POU6F2: variants seen among roughly 807,000 people sequenced by gnomAD.
POU6F2 encodes the protein POU domain, class 6, transcription factor 2.
A neutral mutation model predicts 71.3 loss-of-function variants in POU6F2; 31 were observed. The ratio of observed to expected loss-of-function variants is 0.43; its 90% CI spans 0.33 to 0.59. POU6F2 has a LOEUF of 0.59. Ranked by LOEUF, POU6F2 falls within the 20% of genes least tolerant of loss-of-function variation. The probability of loss-of-function intolerance (pLI) is 0.04; values close to 1 mark genes in which losing one functional copy is unlikely to be tolerated. For missense variants in POU6F2, 783 were observed against 856.8 expected (o/e 0.91, Z 1.07); for synonymous variants, 347 against 355.7 (o/e 0.98, Z 0.27).
intron 2 of POU6F2, among the ~76,000 whole-genome samples, chr7:39,122,551 C>G (rs1792062541): frequency 6.6e-6 from 1 of 152,126 alleles, no homozygotes; most frequent in Non-Finnish European, 1.5e-5. Context: ...AGAGGGGAGG[C>G]AATCTAAGGA....
intron 2 of POU6F2, among the ~76,000 whole-genome samples, chr7:39,131,671 A>G (rs1486523278): frequency 1.3e-5 from 2 of 152,170 alleles, no homozygotes; most frequent in African/African-American, 2.4e-5. Context: ...TTCAAGTGCC[A>G]TAGCCCATGT....
intron 4 of POU6F2, among the ~76,000 whole-genome samples, chr7:39,233,997 C>CT (rs1794626155): frequency 6.6e-6 from 1 of 152,076 alleles, no homozygotes; most frequent in African/African-American, 2.4e-5. Flanking sequence ...TCATGTGGGC[C>CT]TTCTATCCTG....
chr7:39,417,794 A>G (rs1787713839), intron 6 of POU6F2, among the ~76,000 whole-genome samples: 1 of 152,184 alleles, frequency 6.6e-6, no homozygotes, highest in African/African-American at 2.4e-5. Flanking sequence ...AAATCAGACA[A>G]ATCTGAATCC....
intron 4 of POU6F2, among the ~76,000 whole-genome samples, chr7:39,266,039 C>T (rs1348219459): frequency 1.3e-5 from 2 of 152,130 alleles, no homozygotes. Flanking sequence ...GCCTTCTCCT[C>T]GGAAGTGGAG....
chr7:39,433,265 C>T lies in POU6F2; in HGVS notation c.1302C>T (p.Pro434=). The change falls in exon 7 of 10, where the codon CCC becomes CCT. Residue 434 remains proline (P), a synonymous_variant. Transcript: ENST00000518318. The part of the protein sequence containing the change: ...VINTQGITLS[P]IKPGQQLHQP... ...ACACCCAGGGCATCACGCTGTCACC[C>T]ATCAAGCCCGGCCAGCAGGTAAATG... 1 of 1,613,978 alleles carries T rather than the reference C, an allele frequency of 6.2e-7. No individual in the cohort carries two copies. Among genetic ancestry groups the T allele is most frequent in the Non-Finnish European group, 8.5e-7 (1 of 1,179,886 alleles).
At chr7:38,988,562 C>A (rs1193070629) in intron 1 of POU6F2, among the ~76,000 whole-genome samples, 3 of 151,990 alleles carry the variant, frequency 2.0e-5, no homozygotes, top group Non-Finnish European at 2.9e-5. Flanking sequence ...TATTTTTCAT[C>A]CAGAAAAGGG....
chr7:39,085,786 A>G (rs1791227442), intron 1 of POU6F2, 74 bp from the exon 2 acceptor site: 8 of 1,422,082 alleles, frequency 5.6e-6, no homozygotes, highest in East Asian at 2.4e-5. Flanking sequence ...AGAGAGGGAG[A>G]GGGAGAGAGA....
At chr7:39,243,945 C>G (rs1221462690) in intron 4 of POU6F2, among the ~76,000 whole-genome samples, 1 of 151,968 alleles carries the variant, frequency 6.6e-6, no homozygotes, top group Non-Finnish European at 1.5e-5. Flanking sequence ...TCTTCAAGTT[C>G]TTAAAGCTTG....
intron 6 of POU6F2, among the ~76,000 whole-genome samples, chr7:39,432,443 C>T (rs988248784): frequency 2.0e-5 from 3 of 152,140 alleles, no homozygotes; most frequent in African/African-American, 7.2e-5. Context: ...AGCTTAGGTC[C>T]CTTGACAAAT....
intron 5 of POU6F2, among the ~76,000 whole-genome samples, chr7:39,384,740 G>T (rs550469510): frequency 6.6e-6 from 1 of 152,002 alleles, no homozygotes; most frequent in South Asian, 2.1e-4. Context: ...TCTCTCTTCC[G>T]CAGTTAGTCC....
intron 2 of POU6F2, among the ~76,000 whole-genome samples, chr7:39,105,631 T>G (rs1584544801): frequency 6.6e-6 from 1 of 151,890 alleles, no homozygotes; most frequent in African/African-American, 2.4e-5. Context: ...AAGTGGGGGG[T>G]GGTGCAAAAG....
intron 5 of POU6F2, among the ~76,000 whole-genome samples, chr7:39,367,510 G>C (rs954159665): frequency 1.3e-5 from 2 of 152,148 alleles, no homozygotes; most frequent in African/African-American, 4.8e-5. Context: ...ACTATAAAAG[G>C]TGTAAAATGT....
chr7:39,294,288 C>A, intron 4 of POU6F2, among the ~76,000 whole-genome samples: 1 of 149,760 alleles, frequency 6.7e-6, no homozygotes, highest in East Asian at 2.1e-4. Flanking sequence ...TAACAAGATG[C>A]ATTCATTTGT....
At chr7:39,127,080 A>T (rs944677944) in intron 2 of POU6F2, among the ~76,000 whole-genome samples, 1 of 152,232 alleles carries the variant, frequency 6.6e-6, no homozygotes, top group Non-Finnish European at 1.5e-5. Flanking sequence ...TCATTTGAAG[A>T]TGTAAATTAA....
chr7:39,335,537 C>T (rs1785752211), intron 4 of POU6F2, among the ~76,000 whole-genome samples: 1 of 152,174 alleles, frequency 6.6e-6, no homozygotes, highest in Non-Finnish European at 1.5e-5. Context: ...CTCATCATTA[C>T]AAATAATCCT....
intron 2 of POU6F2, among the ~76,000 whole-genome samples, chr7:39,187,048 A>G (rs780673268): frequency 2.6e-5 from 4 of 152,222 alleles, no homozygotes; most frequent in Non-Finnish European, 5.9e-5. Flanking sequence ...GAAAGCTTAC[A>G]TTTATTGTGT....
At chr7:39,179,660 C>A (rs1013339430) in intron 2 of POU6F2, among the ~76,000 whole-genome samples, 1 of 152,162 alleles carries the variant, frequency 6.6e-6, no homozygotes, top group African/African-American at 2.4e-5. Context: ...CTGCAGTTGC[C>A]GCCGGCTCAT....
chr7:39,202,995 A>C (rs1182235390), intron 2 of POU6F2, among the ~76,000 whole-genome samples: 1 of 152,216 alleles, frequency 6.6e-6, no homozygotes, highest in Non-Finnish European at 1.5e-5. Flanking sequence ...GGCTTTGCAC[A>C]TTTATTGCTT....
chr7:39,372,120 T>A lies in POU6F2; in HGVS notation c.972+32105T>A, dbSNP rs115992923. On this transcript the variant is annotated intron_variant, in intron 5 of 9. Coordinates refer to ENST00000518318, the MANE Select transcript of POU6F2 (RefSeq NM_001370959.1). ...ATTTTTTGTAGGAATGGGGTATCCCTATGTTGCCCAACCTTGTCTCAATCT... is the reference window on the plus strand; with the variant it reads ...ATTTTTTGTAGGAATGGGGTATCCCAATGTTGCCCAACCTTGTCTCAATCT... 8.2e-3 allele frequency among the ~76,000 whole-genome samples: 1,243 copies of A among 152,254 alleles called. 22 individuals are homozygous for A. Among genetic ancestry groups the A allele is most frequent in the African/African-American group, 0.029 (1,188 of 41,540 alleles).
Sources: allele counts gnomAD v4.1 joint callset (sites outside exome capture counted in the v4.1 genomes callset), GRCh38; gene constraint gnomAD v4.1.1; transcripts MANE v1.5; gene names NCBI Gene and HGNC (gene_info 2026-07-23, HGNC 2026-07-21).